SV2C: variants seen among roughly 807,000 people sequenced by gnomAD.
SV2C encodes synaptic vesicle glycoprotein 2C, also known as solute carrier family 22 member B3.
SV2C carries 49 observed loss-of-function variants against 79.7 expected under a neutral mutation model. The ratio of observed to expected loss-of-function variants is 0.61; its 90% CI spans 0.49 to 0.78. The LOEUF (loss-of-function observed/expected upper bound fraction) is 0.78, where lower values mean the gene tolerates loss of function less well. SV2C is among the 30% of genes least tolerant of loss of function. The probability of loss-of-function intolerance (pLI) is 0.00; values close to 1 mark genes in which losing one functional copy is unlikely to be tolerated. For synonymous variants in SV2C, 334 were observed against 333.2 expected (o/e 1.00, Z -0.03); for missense variants, 833 against 912.9 (o/e 0.91, Z 1.13).
chr5:76,218,212 A>G (rs35757613), intron 4 of SV2C, among the ~76,000 whole-genome samples: 34,957 of 152,186 alleles, frequency 0.23, 4,109 homozygotes, highest in East Asian at 0.34. Flanking sequence ...CAGGGATAAT[A>G]ATAGTATGAC....
At chr5:76,029,621 ATTTACACTTATTATT>A in the SV2C span, among the ~76,000 whole-genome samples, 1 of 152,190 alleles carries the variant, frequency 6.6e-6, no homozygotes, top group Non-Finnish European at 1.5e-5. Context: ...TGAGGCAAAA[ATTTACACTTATTATT>A]TTTACACTTA....
chr5:75,998,258 G>A, the SV2C span, among the ~76,000 whole-genome samples: 5 of 152,184 alleles, frequency 3.3e-5, no homozygotes, highest in African/African-American at 7.2e-5. Context: ...GAGTTAATGG[G>A]TGTAGCATAC....
intron 4 of SV2C, among the ~76,000 whole-genome samples, chr5:76,257,919 GT>G (rs373628025): frequency 0.1 from 15,282 of 150,422 alleles, 874 homozygotes; most frequent in South Asian, 0.16. Flanking sequence ...TGTGTGTGGT[GT>G]GTGTATGTGT....
the SV2C span, among the ~76,000 whole-genome samples, chr5:75,996,514 T>C: frequency 6.6e-6 from 1 of 152,220 alleles, no homozygotes; most frequent in Non-Finnish European, 1.5e-5. Flanking sequence ...TTTCCAATTC[T>C]GTGAAGAAAG....
At chr5:76,296,139 A>C in intron 9 of SV2C, 197 bp downstream of exon 9, 1 of 413,278 alleles carries the variant, frequency 2.4e-6, no homozygotes, top group South Asian at 5.0e-5. Flanking sequence ...ACTTCACTTA[A>C]AACTATTTTT....
the SV2C span, among the ~76,000 whole-genome samples, chr5:76,035,276 A>T: frequency 2.7e-5 from 4 of 149,564 alleles, no homozygotes; most frequent in East Asian, 2.0e-4. Flanking sequence ...TCTTAGTTAT[A>T]TCTTGCCTTC....
At chr5:75,979,523 A>G in the SV2C span, among the ~76,000 whole-genome samples, 1 of 104,892 alleles carries the variant, frequency 9.5e-6, no homozygotes, top group Non-Finnish European at 2.7e-5. Context: ...GTCATAGCAA[A>G]CGGCCTCTGG....
At chr5:76,124,912 C>T (rs1214875606) in intron 1 of SV2C, among the ~76,000 whole-genome samples, 1 of 152,144 alleles carries the variant, frequency 6.6e-6, no homozygotes, top group Non-Finnish European at 1.5e-5. Context: ...TCAAGTATTT[C>T]TTCAAAGAAG....
chr5:75,897,195 G>C, the SV2C span, among the ~76,000 whole-genome samples: 11 of 151,160 alleles, frequency 7.3e-5, no homozygotes, highest in Admixed American at 7.2e-4. Context: ...GGTTTTTATG[G>C]TTTTAGGTCT....
At chr5:75,984,536 C>CCAAT in the SV2C span, among the ~76,000 whole-genome samples, 1 of 145,098 alleles carries the variant, frequency 6.9e-6, no homozygotes, top group African/African-American at 2.6e-5. Context: ...GATCTATCTG[C>CCAAT]CTATCTATCT....
chr5:75,866,556 C>A, the SV2C span, among the ~76,000 whole-genome samples: 1 of 152,200 alleles, frequency 6.6e-6, no homozygotes. Context: ...ACCCTGCCAA[C>A]TTTCTAGCAT....
At chr5:76,032,837 G>T in the SV2C span, among the ~76,000 whole-genome samples, 2 of 152,184 alleles carry the variant, frequency 1.3e-5, no homozygotes, top group Admixed American at 6.5e-5. Flanking sequence ...CTTCCACAAT[G>T]GTTGAATTAG....
the SV2C span, among the ~76,000 whole-genome samples, chr5:76,051,968 G>A: frequency 8.1e-3 from 1,238 of 152,216 alleles, 7 homozygotes; most frequent in Middle Eastern, 0.014. Flanking sequence ...TTTATTGTCT[G>A]CAAAGTAATA....
intron 2 of SV2C, among the ~76,000 whole-genome samples, chr5:76,156,520 A>G (rs1580313884): frequency 6.6e-6 from 1 of 152,164 alleles, no homozygotes; most frequent in African/African-American, 2.4e-5. Context: ...GATATGACCT[A>G]TACACTAGGG....
chr5:75,851,625 C>T, the SV2C span, among the ~76,000 whole-genome samples: 1 of 151,756 alleles, frequency 6.6e-6, no homozygotes, highest in East Asian at 1.9e-4. Flanking sequence ...GTGGCAACTT[C>T]TGGGTGGAAA....
the SV2C span, among the ~76,000 whole-genome samples, chr5:75,856,391 T>C: frequency 1.3e-5 from 2 of 152,232 alleles, no homozygotes; most frequent in African/African-American, 4.8e-5. Context: ...GTTGTAGTAA[T>C]TTACATTGCC....
the SV2C span, among the ~76,000 whole-genome samples, chr5:75,961,387 A>G: frequency 6.6e-5 from 10 of 152,088 alleles, no homozygotes; most frequent in Admixed American, 5.2e-4. Context: ...TGTAATCAAT[A>G]TTTTTAAGTA....
At chr5:76,123,452 G>T (rs1462551648) in intron 1 of SV2C, among the ~76,000 whole-genome samples, 3 of 152,144 alleles carry the variant, frequency 2.0e-5, no homozygotes, top group Non-Finnish European at 4.4e-5. Flanking sequence ...CAATATCCTT[G>T]ATGAACATTG....
At chr5:75,929,453 G>A in the SV2C span, among the ~76,000 whole-genome samples, 164 of 151,882 alleles carry the variant, frequency 1.1e-3, 1 homozygote, top group African/African-American at 3.7e-3. Flanking sequence ...ATGGCCTCTA[G>A]GAATGTGATT....
Sources: gnomAD v4.1 joint callset for allele counts (sites outside exome capture counted in the v4.1 genomes callset) on GRCh38, gnomAD v4.1.1 for gene constraint, MANE v1.5 for transcripts, NCBI Gene and HGNC (gene_info 2026-07-23, HGNC 2026-07-21) for gene names.